Variants in ARHGAP17 observed in about 807,000 individuals in gnomAD.
The protein encoded by ARHGAP17 is Rho GTPase activating protein 17.
ARHGAP17 carries 57 observed loss-of-function variants against 99.5 expected under a neutral mutation model. The observed-to-expected ratio is 0.57, with a 90% CI of 0.46 to 0.71. The LOEUF (loss-of-function observed/expected upper bound fraction) is 0.71. ARHGAP17 is among the 30% of genes least tolerant of loss of function. ARHGAP17 has a pLI of 0.00. For missense variants in ARHGAP17, 1,000 were observed against 1,122.4 expected (o/e 0.89, Z 1.56); for synonymous variants, 417 against 429.6 (o/e 0.97, Z 0.36).
At chr16:24,934,865 A>G (rs1432281777) in intron 18 of ARHGAP17, among the ~76,000 whole-genome samples, 1 of 152,230 alleles carries the variant, frequency 6.6e-6, no homozygotes, top group Non-Finnish European at 1.5e-5. Flanking sequence ...TAGTTCATTC[A>G]AGGAACCAAG....
At chr16:25,001,260 A>G (rs1295226360) in intron 1 of ARHGAP17, among the ~76,000 whole-genome samples, 1 of 149,748 alleles carries the variant, frequency 6.7e-6, no homozygotes, top group Non-Finnish European at 1.5e-5. Flanking sequence ...TCTCAATTTA[A>G]AAAACAAAAA....
chr16:24,939,752 T>G, intron 16 of ARHGAP17, 155 bp from the exon 17 acceptor site: 2 of 726,596 alleles, frequency 2.8e-6, no homozygotes, highest in Non-Finnish European at 4.7e-6. Context: ...TGGCCACCCC[T>G]GAGCAACTCC....
intron 18 of ARHGAP17, 72 bp downstream of exon 18, chr16:24,935,398 C>G (rs959587569): frequency 1.4e-6 from 2 of 1,473,110 alleles, no homozygotes; most frequent in Non-Finnish European, 1.8e-6. Context: ...ACCTCACCAT[C>G]TGAATCCTTG....
chr16:24,930,618 G>A (rs977100708), intron 19 of ARHGAP17, 166 bp downstream of exon 19: 4 of 1,157,910 alleles, frequency 3.5e-6, no homozygotes, highest in South Asian at 1.2e-5. Context: ...GTGTAGCTGT[G>A]TTCCAATAAA....
intron 1 of ARHGAP17, chr16:25,013,834 C>G (rs1443459240): frequency 2.0e-5 from 3 of 152,178 alleles, no homozygotes; most frequent in Non-Finnish European, 4.4e-5. Context: ...GCACGTTGCT[C>G]AGAACACTAA....
At chr16:24,967,910 C>T (rs953581997) in intron 6 of ARHGAP17, among the ~76,000 whole-genome samples, 10 of 152,154 alleles carry the variant, frequency 6.6e-5, no homozygotes, top group African/African-American at 2.2e-4. Flanking sequence ...ACATCAGCAG[C>T]GCTGATTTGG....
In ARHGAP17 at chr16:25,000,245, T is replaced by A. The variant is rs2053323463; in HGVS notation, c.53+14964A>T. 3.9e-5 allele frequency among the ~76,000 whole-genome samples: 6 copies of A among 152,332 alleles called. No individual in the cohort carries two copies. The South Asian group carries it at 1.2e-3, about 32-fold the overall frequency. On this transcript the variant is annotated intron_variant, in intron 1 of 19. Transcript: ENST00000289968. ...CAATTCTTGAGGGAAAGTAATTTGA[T>A]GATCATCAAATCCCATGACAGAACA...
chr16:24,931,774 A>C (rs1460338331), intron 18 of ARHGAP17, among the ~76,000 whole-genome samples: 1 of 152,204 alleles, frequency 6.6e-6, no homozygotes, highest in South Asian at 2.1e-4. Context: ...GAAAATGGAC[A>C]TGAGTGGAAA....
At chr16:24,999,562 G>C (rs2141473182) in intron 1 of ARHGAP17, among the ~76,000 whole-genome samples, 1 of 152,100 alleles carries the variant, frequency 6.6e-6, no homozygotes, top group African/African-American at 2.4e-5. Flanking sequence ...GACTACAGGG[G>C]TGTGCCACCT....
chr16:24,976,181 C>T (rs1025973004), intron 3 of ARHGAP17, among the ~76,000 whole-genome samples: 6 of 152,168 alleles, frequency 3.9e-5, no homozygotes, highest in Non-Finnish European at 8.8e-5. Context: ...CAATGGAACG[C>T]GCTTTCAATC....
At chr16:24,941,442 C>CT in intron 16 of ARHGAP17, among the ~76,000 whole-genome samples, 1 of 152,300 alleles carries the variant, frequency 6.6e-6, no homozygotes, top group East Asian at 1.9e-4. Flanking sequence ...AGACACACTG[C>CT]TTCTCACTAA....
At position 24,931,350 on chromosome 16, in the gene ARHGAP17, T is replaced by C; in HGVS notation, c.1949A>G (p.His650Arg). 6.6e-7 allele frequency: 1 copy of C among 1,505,198 alleles called. No individual in the cohort carries two copies. The highest frequency in any genetic ancestry group is 8.9e-7 in the Non-Finnish European group (1 of 1,129,616). The allele number at this position is 1,505,198 out of a possible 1,614,324, so 93.2% of individuals were successfully genotyped here. ...TCCTGAAGAACTCTGGCCCCCGGGG[T>C]GGCCAGGAGGTGGGTTGCCCGGTTT... Reference protein sequence around the residue: ...PPKPGNPPPGHPGGQSSSGTS... With the variant: ...PPKPGNPPPGRPGGQSSSGTS... The change falls in exon 19 of 20, where the codon CAC (histidine) becomes CGC (arginine). Residue 650 changes from histidine (H) to arginine (R), a missense_variant. His to Arg is a conservative substitution (Grantham distance 29). This residue lies in a region of ARHGAP17 where 528 missense variants were observed against 511.4 expected (regional missense o/e 1.03). Transcript: ENST00000289968.
At chr16:25,011,561 C>T (rs1474627423) in intron 1 of ARHGAP17, among the ~76,000 whole-genome samples, 1 of 152,034 alleles carries the variant, frequency 6.6e-6, no homozygotes, top group Non-Finnish European at 1.5e-5. Context: ...AAAAATCAGT[C>T]GGGCATGGTG....
intron 18 of ARHGAP17, among the ~76,000 whole-genome samples, chr16:24,932,460 C>T (rs11863977): frequency 0.04 from 6,017 of 152,014 alleles, 313 homozygotes; most frequent in African/African-American, 0.12. Context: ...CATGGGAAGA[C>T]GCAGAAAGAG....
At chr16:24,977,362 T>G (rs769769545) in intron 2 of ARHGAP17, 43 bp from the exon 3 acceptor site, 1 of 1,495,588 alleles carries the variant, frequency 6.7e-7, no homozygotes, top group Non-Finnish European at 9.1e-7. Context: ...ATCCTCTTTC[T>G]TTTGTGGTGT....
At chr16:24,977,567 A>C in intron 2 of ARHGAP17, 1 of 336,084 alleles carries the variant, frequency 3.0e-6, no homozygotes, top group Non-Finnish European at 5.4e-6. Context: ...AAAAAACCAG[A>C]GATGCCAAAG....
At chr16:25,006,578 C>T (rs565960804) in intron 1 of ARHGAP17, among the ~76,000 whole-genome samples, 13 of 152,288 alleles carry the variant, frequency 8.5e-5, no homozygotes, top group African/African-American at 3.1e-4. Context: ...GCATTTAATG[C>T]CCTAGGGCAG....
intron 19 of ARHGAP17, among the ~76,000 whole-genome samples, chr16:24,924,442 G>T (rs1382420154): frequency 2.1e-5 from 3 of 142,988 alleles, no homozygotes; most frequent in Non-Finnish European, 3.0e-5. Context: ...TCTCTTTTCT[G>T]TTTTTTTTTT....
chr16:24,982,765 T>A (rs1002075150), intron 1 of ARHGAP17, among the ~76,000 whole-genome samples: 2 of 151,466 alleles, frequency 1.3e-5, no homozygotes, highest in African/African-American at 2.4e-5. Context: ...AGGTGCCCAT[T>A]CAATAGGCCA....
Sources: gnomAD v4.1 joint callset for allele counts (sites outside exome capture counted in the v4.1 genomes callset) on GRCh38, gnomAD v4.1.1 for gene constraint, gnomAD v4.1.1 regional missense constraint, MANE v1.5 for transcripts, NCBI Gene and HGNC (gene_info 2026-07-23, HGNC 2026-07-21) for gene names.